The following NUDCD3 variants were observed in gnomAD, a reference collection of about 807,000 sequenced individuals.
NUDCD3 encodes the protein nudC domain-containing protein 3.
A neutral mutation model predicts 39.7 loss-of-function variants in NUDCD3; 13 were observed. The ratio of observed to expected loss-of-function variants is 0.33; its 90% confidence interval spans 0.21 to 0.52. NUDCD3 has a LOEUF of 0.52. Ranked by LOEUF, NUDCD3 falls within the 20% of genes least tolerant of loss-of-function variation. The probability of loss-of-function intolerance (pLI) is 0.96; values close to 1 mark genes in which losing one functional copy is unlikely to be tolerated. For missense variants in NUDCD3, 453 were observed against 458.1 expected (o/e 0.99, Z 0.10); for synonymous variants, 175 against 172.4 (o/e 1.02, Z -0.12).
In NUDCD3 at chr7:44,467,583, T is replaced by C. The variant is rs373841118; in HGVS notation, c.509+17385A>G. Among the ~76,000 whole-genome samples the C allele has an allele frequency of 3.2e-4, 48 of 152,100 alleles. No individual in the cohort carries two copies. In the East Asian group the frequency reaches 4.3e-3, roughly 13 times the overall value. On this transcript the variant is annotated intron_variant, in intron 2 of 5. Coordinates refer to ENST00000355451, the MANE Select transcript of NUDCD3 (RefSeq NM_015332.4). Reference sequence around the variant, plus strand: ...GGCAGGTCAGAGATCAAGGTCCCCATTGAGGCCCGGCAGGGACGAGGCAAA... The same window carrying C: ...GGCAGGTCAGAGATCAAGGTCCCCACTGAGGCCCGGCAGGGACGAGGCAAA...
intron 3 of NUDCD3, among the ~76,000 whole-genome samples, chr7:44,425,196 G>A (rs193214688): frequency 1.8e-4 from 27 of 152,206 alleles, no homozygotes; most frequent in African/African-American, 5.3e-4. Context: ...AATGCATGCG[G>A]GGCTTAAAAC....
At chr7:44,435,612 AT>A (rs1209683914) in intron 2 of NUDCD3, among the ~76,000 whole-genome samples, 1 of 152,204 alleles carries the variant, frequency 6.6e-6, no homozygotes, top group African/African-American at 2.4e-5. Context: ...CTAAATAAGA[AT>A]TCCAGATAAT....
intron 2 of NUDCD3, among the ~76,000 whole-genome samples, chr7:44,445,722 C>G (rs757603452): frequency 6.6e-6 from 1 of 152,208 alleles, no homozygotes; most frequent in Non-Finnish European, 1.5e-5. Flanking sequence ...CATGGAAATC[C>G]GTTACGACAA....
At chr7:44,426,013 G>C in intron 3 of NUDCD3, 1 of 440,908 alleles carries the variant, frequency 2.3e-6, no homozygotes, top group Non-Finnish European at 3.0e-6. Context: ...GTTAGCATGC[G>C]GTACTTATAG....
At chr7:44,443,882 T>G (rs1799641176) in intron 2 of NUDCD3, among the ~76,000 whole-genome samples, 1 of 152,194 alleles carries the variant, frequency 6.6e-6, no homozygotes, top group African/African-American at 2.4e-5. Flanking sequence ...AAAGTCAGTC[T>G]TCTTTATGAG....
Position 44,392,410 on chromosome 7 carries a change from T to C in NUDCD3, c.862A>G (p.Ile288Val). Residue 288 changes from isoleucine to valine, a missense_variant, in exon 5 of 6, where the codon ATC becomes GTC. By Grantham distance (29) the Ile-to-Val change is conservative. Transcript: ENST00000355451. ...GTGGCCATGGAGCGCTCCTTGTTGA[T>C]CTTGTCAATGTCGATGGGCTCTTCT... ...EGEEPIDIDK[I>V]NKERSMATVD... is the part of the protein sequence containing the mutation. 6.2e-7 allele frequency: 1 copy of C among 1,614,168 alleles called. No homozygotes were observed. Among genetic ancestry groups the C allele is most frequent in the South Asian group, 1.1e-5 (1 of 91,084 alleles).
intron 4 of NUDCD3, among the ~76,000 whole-genome samples, chr7:44,394,258 G>A (rs1037142612): frequency 2.6e-5 from 4 of 152,160 alleles, no homozygotes; most frequent in Non-Finnish European, 5.9e-5. Flanking sequence ...TCCCCTACAC[G>A]CCAGCTCTAC....
Position 44,385,828 on chromosome 7 carries a change from G to A in NUDCD3, c.*183C>T, listed in dbSNP as rs1225493136. On this transcript the variant is annotated 3_prime_UTR_variant, in exon 6 of 6. Transcript: ENST00000355451. ...CGGCCACCACATAGCAGCTGGCCCCGCACCTTCTCTGGAACAGTCTGGAGA... is the reference window on the plus strand; with the variant it reads ...CGGCCACCACATAGCAGCTGGCCCCACACCTTCTCTGGAACAGTCTGGAGA... 45 of 584,146 alleles carry A rather than the reference G, an allele frequency of 7.7e-5. 1 individual carries two copies. The East Asian group carries it at 1.1e-3, about 15-fold the overall frequency. 36.2% of individuals were successfully genotyped at this position (584,146 alleles called of 1,614,324 possible).
chr7:44,477,730 GC>G (rs1230979553), intron 2 of NUDCD3, among the ~76,000 whole-genome samples: 1 of 151,874 alleles, frequency 6.6e-6, no homozygotes, highest in Non-Finnish European at 1.5e-5. Flanking sequence ...AATCATGTCT[GC>G]AGGCACTGGT....
chr7:44,409,762 TA>T (rs1381521672), intron 3 of NUDCD3, among the ~76,000 whole-genome samples: 1 of 152,174 alleles, frequency 6.6e-6, no homozygotes, highest in Non-Finnish European at 1.5e-5. Context: ...AGTATGGGAA[TA>T]ACGTCTTTTA....
rs920315718 is a variant in NUDCD3, at chr7:44,382,616, C to G, written c.*3395G>C. On this transcript the variant is annotated 3_prime_UTR_variant, in exon 6 of 6. Coordinates refer to ENST00000355451, the MANE Select transcript of NUDCD3 (RefSeq NM_015332.4). ...GCCTCAGGGACATAGCCCAGTTCTTCAGGACCGTGGGCCACATGGGCTGCT... is the reference window on the plus strand; with the variant it reads ...GCCTCAGGGACATAGCCCAGTTCTTGAGGACCGTGGGCCACATGGGCTGCT... The G allele has an allele frequency of 2.0e-5, 3 of 152,314 alleles. No individual in the cohort carries two copies. The highest frequency in any genetic ancestry group is 4.8e-5 in the African/African-American group (2 of 41,462). The allele number at this position is 152,314 out of a possible 1,614,324, so 9.4% of individuals were successfully genotyped here. A position where few individuals can be genotyped will look rare whatever the true frequency, so the allele number is the denominator to read the frequency against.
chr7:44,392,523 T>C (rs1585049957), intron 4 of NUDCD3, 38 bp from the exon 5 acceptor site: 1 of 1,589,548 alleles, frequency 6.3e-7, no homozygotes, highest in Non-Finnish European at 8.6e-7. Context: ...GTCAGAGACC[T>C]GAGACAGGTG....
Position 44,385,398 on chromosome 7 carries a change from A to T in NUDCD3, c.*613T>A, listed in dbSNP as rs1798384368. On this transcript the variant is annotated 3_prime_UTR_variant, in exon 6 of 6. Transcript: ENST00000355451. ...CTCCGAACAACTAGAACGTGCAAACAGGGCTCCAGTCTCCACTGCTCTGAC... is the reference window on the plus strand; with the variant it reads ...CTCCGAACAACTAGAACGTGCAAACTGGGCTCCAGTCTCCACTGCTCTGAC... The T allele has an allele frequency of 6.6e-6, 1 of 152,332 alleles. No homozygotes were observed. The highest frequency in any genetic ancestry group is 1.5e-5 in the Non-Finnish European group (1 of 68,154). 9.4% of individuals were successfully genotyped at this position (152,332 alleles called of 1,614,324 possible).
At chr7:44,414,411 G>A (rs755926707) in intron 3 of NUDCD3, among the ~76,000 whole-genome samples, 9 of 152,172 alleles carry the variant, frequency 5.9e-5, no homozygotes, top group Admixed American at 5.2e-4. Flanking sequence ...CTTTGGTGCG[G>A]CCAAAATGAC....
At chr7:44,481,099 G>A (rs1179890057) in intron 2 of NUDCD3, among the ~76,000 whole-genome samples, 1 of 151,914 alleles carries the variant, frequency 6.6e-6, no homozygotes, top group Non-Finnish European at 1.5e-5. Flanking sequence ...ATTAGGGATT[G>A]TAAGTAATCT....
Position 44,468,218 on chromosome 7 carries a change from C to T in NUDCD3, c.509+16750G>A, listed in dbSNP as rs769756544. ...CGCTCACAATGTTTCCTCCAAGAAC[C>T]GCAAAGCCATCGTGGAAACAGCTGC... On this transcript the variant is annotated intron_variant, in intron 2 of 5. Coordinates refer to ENST00000355451, the MANE Select transcript of NUDCD3 (RefSeq NM_015332.4). The T allele has an allele frequency of 3.8e-6, 6 of 1,598,304 alleles. No individual in the cohort carries two copies. The East Asian group carries it at 1.1e-4, about 30-fold the overall frequency.
chr7:44,441,900 G>A (rs1459930367), intron 2 of NUDCD3, among the ~76,000 whole-genome samples: 1 of 152,140 alleles, frequency 6.6e-6, no homozygotes, highest in Non-Finnish European at 1.5e-5. Context: ...CCACAGAGAT[G>A]AGCAGCCTAG....
intron 2 of NUDCD3, among the ~76,000 whole-genome samples, chr7:44,469,387 T>C (rs1800205176): frequency 6.6e-6 from 1 of 152,150 alleles, no homozygotes; most frequent in Non-Finnish European, 1.5e-5. Flanking sequence ...TAAACTAAAT[T>C]TGTTATAATT....
At chr7:44,488,192 G>A (rs546174785) in intron 1 of NUDCD3, among the ~76,000 whole-genome samples, 29 of 151,178 alleles carry the variant, frequency 1.9e-4, no homozygotes, top group East Asian at 4.0e-4. Context: ...AAAATCAGCC[G>A]GGCGTGGTGG....
Sources: allele counts gnomAD v4.1 joint callset (sites outside exome capture counted in the v4.1 genomes callset), GRCh38; gene constraint gnomAD v4.1.1; transcripts MANE v1.5; gene names NCBI Gene and HGNC (gene_info 2026-07-23, HGNC 2026-07-21).